Variants in ARMH3 observed in about 807,000 individuals in gnomAD.
ARMH3 encodes the protein armadillo-like helical domain-containing protein 3.
Under a neutral mutation model 99.1 loss-of-function variants are expected in ARMH3, and 60 were observed. The observed-to-expected ratio is 0.61, with a 90% CI of 0.49 to 0.75. The LOEUF is 0.75. Ranked by LOEUF, ARMH3 falls within the 30% of genes least tolerant of loss-of-function variation. The pLI is 0.00. For missense variants in ARMH3, 679 were observed against 843.1 expected (o/e 0.81, Z 2.41); for synonymous variants, 285 against 292.8 (o/e 0.97, Z 0.27).
chr10:101,862,970 G>C (rs566793026), intron 24 of ARMH3, among the ~76,000 whole-genome samples: 41 of 152,330 alleles, frequency 2.7e-4, no homozygotes, highest in African/African-American at 9.9e-4. Flanking sequence ...TTGGGAGGCA[G>C]AGGCGGGTGG....
At chr10:101,973,851 C>T (rs1236567510) in intron 20 of ARMH3, among the ~76,000 whole-genome samples, 1 of 152,160 alleles carries the variant, frequency 6.6e-6, no homozygotes, top group Non-Finnish European at 1.5e-5. Flanking sequence ...ACCATGTGTA[C>T]TTATTATAAA....
intron 14 of ARMH3, among the ~76,000 whole-genome samples, chr10:102,004,436 T>C (rs2066437265): frequency 6.6e-6 from 1 of 152,198 alleles, no homozygotes; most frequent in African/African-American, 2.4e-5. Flanking sequence ...CCAGCAGCTT[T>C]TGTCAAGGGA....
chr10:101,985,503 C>T (rs1846459461), intron 19 of ARMH3, among the ~76,000 whole-genome samples: 1 of 151,508 alleles, frequency 6.6e-6, no homozygotes, highest in South Asian at 2.1e-4. Flanking sequence ...TCACTTGTGG[C>T]CAGGAGTTCA....
rs760197202 is a variant in ARMH3 at position 102,006,527 on chromosome 10, G to A, written c.1048+13C>T. The stretch of plus-strand genomic sequence containing the variant: ...CATATTAACCAAGAAAAACAAAGTG[G>A]TGGTGGGCTCACCATCAGAGGAAGG... On this transcript the variant is annotated intron_variant, in intron 14 of 25. Coordinates refer to ENST00000370033, the MANE Select transcript of ARMH3 (RefSeq NM_024541.3). 1.9e-6 allele frequency: 3 copies of A among 1,607,752 alleles called. No homozygotes were observed. Among genetic ancestry groups the A allele is most frequent in the African/African-American group, 1.3e-5 (1 of 74,884 alleles).
intron 11 of ARMH3, among the ~76,000 whole-genome samples, chr10:102,011,500 G>C (rs1164603131): frequency 6.6e-6 from 1 of 151,552 alleles, no homozygotes; most frequent in Non-Finnish European, 1.5e-5. Flanking sequence ...ATCTCACTTG[G>C]TTTTGAATCT....
chr10:101,931,570 C>G (rs908877649), intron 23 of ARMH3, among the ~76,000 whole-genome samples: 1 of 150,892 alleles, frequency 6.6e-6, no homozygotes, highest in African/African-American at 2.4e-5. Context: ...ATCCACGTGC[C>G]CAAAAATGAA....
Position 102,002,038 on chromosome 10 carries a change from A to G in ARMH3, c.1083T>C (p.Asp361=), listed in dbSNP as rs1162016568. ...ISSVELPLDA[D]VQTSNLLITF... Reference sequence around the variant, plus strand: ...TTATCAGTAGATTACTGGTCTGTACATCTGCATCCAGTGGGAGTTCCACAG... The same window carrying G: ...TTATCAGTAGATTACTGGTCTGTACGTCTGCATCCAGTGGGAGTTCCACAG... The change falls in exon 15 of 26, where the codon GAT becomes GAC. Residue 361 remains aspartate, a synonymous_variant. Coordinates refer to ENST00000370033, the MANE Select transcript of ARMH3 (RefSeq NM_024541.3). 3 of 1,614,200 alleles carry G rather than the reference A, an allele frequency of 1.9e-6. No homozygotes were observed. Among genetic ancestry groups the G allele is most frequent in the Non-Finnish European group, 2.5e-6 (3 of 1,180,022 alleles).
At chr10:101,990,198 T>C (rs891904168) in intron 19 of ARMH3, among the ~76,000 whole-genome samples, 33 of 147,928 alleles carry the variant, frequency 2.2e-4, no homozygotes, top group African/African-American at 5.7e-4. Context: ...TTTTTTTTTT[T>C]CCCAGACAGA....
At chr10:102,035,555 T>C (rs890645243) in intron 2 of ARMH3, among the ~76,000 whole-genome samples, 1 of 152,086 alleles carries the variant, frequency 6.6e-6, no homozygotes, top group Non-Finnish European at 1.5e-5. Flanking sequence ...AGGCGCGCGC[T>C]GCCACGCCTG....
At chr10:101,862,319 G>C (rs1245553488) in intron 24 of ARMH3, among the ~76,000 whole-genome samples, 2 of 152,166 alleles carry the variant, frequency 1.3e-5, no homozygotes, top group Non-Finnish European at 2.9e-5. Context: ...GCTCACACCT[G>C]CAATCCCAGC....
At chr10:101,926,825 T>C (rs1051139564) in intron 23 of ARMH3, among the ~76,000 whole-genome samples, 2 of 151,838 alleles carry the variant, frequency 1.3e-5, no homozygotes, top group Admixed American at 1.3e-4. Flanking sequence ...AATTAGGGAG[T>C]AGCACAACCC....
At chr10:101,879,413 A>T (rs1258961573) in intron 24 of ARMH3, among the ~76,000 whole-genome samples, 2 of 151,120 alleles carry the variant, frequency 1.3e-5, no homozygotes, top group Non-Finnish European at 2.9e-5. Flanking sequence ...GCAATGGCGT[A>T]ATCTTGGCTT....
At chr10:101,924,406 G>A (rs1346895448) in intron 23 of ARMH3, among the ~76,000 whole-genome samples, 1 of 149,664 alleles carries the variant, frequency 6.7e-6, no homozygotes, top group Non-Finnish European at 1.5e-5. Context: ...CTGTCGCCCA[G>A]GCTAGAGTGC....
intron 1 of ARMH3, among the ~76,000 whole-genome samples, chr10:102,048,994 C>T (rs1452996168): frequency 6.6e-6 from 1 of 151,408 alleles, no homozygotes; most frequent in African/African-American, 2.4e-5. Flanking sequence ...ATATGCCTCT[C>T]ACTTTCTTTT....
At chr10:101,851,070 C>T (rs542964798) in intron 24 of ARMH3, among the ~76,000 whole-genome samples, 2 of 152,324 alleles carry the variant, frequency 1.3e-5, no homozygotes, top group South Asian at 2.1e-4. Context: ...CTGGATTGAA[C>T]TTTAGGGCAT....
intron 23 of ARMH3, among the ~76,000 whole-genome samples, chr10:101,895,665 T>G (rs1020018804): frequency 6.6e-6 from 1 of 151,808 alleles, no homozygotes; most frequent in African/African-American, 2.4e-5. Flanking sequence ...AAAGCACAAA[T>G]GAAAAAGAAA....
intron 19 of ARMH3, among the ~76,000 whole-genome samples, chr10:101,980,433 G>A (rs944331856): frequency 2.6e-5 from 4 of 152,032 alleles, no homozygotes; most frequent in African/African-American, 7.3e-5. Context: ...TAAGTAGCTC[G>A]GATTACAGAT....
chr10:101,889,702 AGAAT>A (rs2067640808), intron 23 of ARMH3: 2 of 543,888 alleles, frequency 3.7e-6, no homozygotes, highest in African/African-American at 3.8e-5. Flanking sequence ...GACAGAAAAT[AGAAT>A]CAAGCATCTC....
intron 24 of ARMH3, among the ~76,000 whole-genome samples, chr10:101,880,075 C>T (rs1051112554): frequency 3.3e-5 from 5 of 152,198 alleles, no homozygotes; most frequent in African/African-American, 9.7e-5. Flanking sequence ...TGGCCAGTGC[C>T]GGTGTCACAT....
Sources: gnomAD v4.1 joint callset for allele counts (sites outside exome capture counted in the v4.1 genomes callset) on GRCh38, gnomAD v4.1.1 for gene constraint, MANE v1.5 for transcripts, NCBI Gene and HGNC (gene_info 2026-07-23, HGNC 2026-07-21) for gene names.